The following CMC2 variants were observed in gnomAD, a reference collection of about 807,000 sequenced individuals.
CMC2 encodes COX assembly mitochondrial protein 2 homolog.
In CMC2, 5 loss-of-function variants were observed where a neutral mutation model predicts 7.5. That is an observed-to-expected ratio of 0.66 (90% confidence interval 0.35 to 1.40). CMC2 has a LOEUF of 1.40. Among genes scored for constraint, CMC2 ranks in the 40% most tolerant of loss-of-function variants. The probability of loss-of-function intolerance (pLI) is 0.04; values close to 1 mark genes in which losing one functional copy is unlikely to be tolerated. For missense variants in CMC2, 115 were observed against 92.3 expected (o/e 1.25, Z -1.01); for synonymous variants, 37 against 31.4 (o/e 1.18, Z -0.60).
At chr16:80,983,241 G>T (rs1248202796) in intron 2 of CMC2, 1 of 152,224 alleles carries the variant, frequency 6.6e-6, no homozygotes, top group East Asian at 1.9e-4. Context: ...AGTTTTTGGG[G>T]AGTCAAAAAG....
intron 3 of CMC2, among the ~76,000 whole-genome samples, chr16:80,979,686 T>C (rs1158687877): frequency 6.6e-6 from 1 of 152,182 alleles, no homozygotes; most frequent in Non-Finnish European, 1.5e-5. Flanking sequence ...AGTAATGTGA[T>C]CTGGGCTCAC....
Position 81,006,763 on chromosome 16 carries a change from A to T in CMC2, c.-65T>A. 1 of 985,690 alleles carries T rather than the reference A, an allele frequency of 1.0e-6. No individual in the cohort carries two copies. The highest frequency in any genetic ancestry group is 1.2e-6 in the Non-Finnish European group (1 of 830,158). The allele number at this position is 985,690 out of a possible 1,614,324, so 61.1% of individuals were successfully genotyped here. On this transcript the variant is annotated 5_prime_UTR_variant, in exon 1 of 4. Coordinates refer to ENST00000219400, the MANE Select transcript of CMC2 (RefSeq NM_020188.5). ...CTCGTGGCCACACCGGGAGAACTGA[A>T]GCGGCAGTAGCCGGCGGAGACGCCC...
chr16:81,003,335 TAAG>T (rs769417791), intron 1 of CMC2, among the ~76,000 whole-genome samples: 1 of 152,364 alleles, frequency 6.6e-6, no homozygotes, highest in African/African-American at 2.4e-5. Flanking sequence ...TTCAAAGTCA[TAAG>T]AAGATATCAA....
intron 2 of CMC2, chr16:80,996,775 T>C (rs1447188933): frequency 5.6e-6 from 1 of 177,910 alleles, no homozygotes; most frequent in Non-Finnish European, 1.2e-5. Flanking sequence ...GTCAGCTTGA[T>C]TTAATGTATT....
At chr16:80,995,579 C>T (rs1968347778) in intron 2 of CMC2, among the ~76,000 whole-genome samples, 1 of 152,124 alleles carries the variant, frequency 6.6e-6, no homozygotes, top group African/African-American at 2.4e-5. Flanking sequence ...AACACTTGAA[C>T]CTGGGAGGCG....
intron 2 of CMC2, chr16:80,991,893 G>A (rs1235968824): frequency 1.1e-5 from 5 of 452,950 alleles, no homozygotes; most frequent in African/African-American, 1.0e-4. Flanking sequence ...CAAAGAAAAT[G>A]TCACAGATAA....
chr16:80,985,575 T>C (rs938194059), intron 2 of CMC2, among the ~76,000 whole-genome samples: 1 of 152,102 alleles, frequency 6.6e-6, no homozygotes. Flanking sequence ...CCAATAAATA[T>C]TGTAGATATC....
chr16:80,997,132 AAAG>A (rs1968487648), intron 2 of CMC2, 179 bp downstream of exon 2: 7 of 600,100 alleles, frequency 1.2e-5, no homozygotes, highest in Non-Finnish European at 1.8e-5. Flanking sequence ...ACTAATCATA[AAAG>A]GAGGTAGTTT....
intron 3 of CMC2, among the ~76,000 whole-genome samples, chr16:80,978,647 C>T (rs866797056): frequency 6.6e-6 from 1 of 151,624 alleles, no homozygotes; most frequent in Non-Finnish European, 1.5e-5. Flanking sequence ...GATGGGAGAA[C>T]TCCTTGAGCC....
In CMC2 at chr16:81,004,005, T is replaced by C. The variant is rs1352651290; in HGVS notation, c.-36+2729A>G. On this transcript the variant is annotated intron_variant, in intron 1 of 3. Transcript: ENST00000219400. ...TGGCAGGCCGAGGTGGGCAGATCAC[T>C]TGAGGTCAGGAGTTCGAGACCAGCC... Among the ~76,000 whole-genome samples the C allele has an allele frequency of 2.0e-5, 3 of 152,310 alleles. No individual in the cohort carries two copies. The East Asian group carries it at 5.8e-4, about 29-fold the overall frequency.
chr16:80,993,769 A>G (rs763443318), intron 2 of CMC2, among the ~76,000 whole-genome samples: 1 of 152,236 alleles, frequency 6.6e-6, no homozygotes, highest in Non-Finnish European at 1.5e-5. Context: ...TACAAAAGAT[A>G]AAATCCAAGT....
chr16:80,980,757 T>C (rs1310928401), intron 3 of CMC2: 3 of 681,118 alleles, frequency 4.4e-6, no homozygotes. Flanking sequence ...TAACCAGGCA[T>C]GGTGGTACGC....
intron 3 of CMC2, among the ~76,000 whole-genome samples, chr16:80,978,943 T>C (rs1460886008): frequency 6.6e-6 from 1 of 151,962 alleles, no homozygotes; most frequent in East Asian, 1.9e-4. Flanking sequence ...TAGCTGGGCG[T>C]GGTGGTGGGC....
chr16:80,975,802 T>C lies in CMC2; in HGVS notation c.*291A>G, dbSNP rs538641532. 4.8e-6 allele frequency: 1 copy of C among 206,416 alleles called. No individual in the cohort carries two copies. The allele number at this position is 206,416 out of a possible 1,614,324, so 12.8% of individuals were successfully genotyped here. A position where few individuals can be genotyped will look rare whatever the true frequency, so the allele number is the denominator to read the frequency against. ...GAATCTAAGAGAAAGGAGAAAAAAATTATTTAAATTATTTTATTGAAGGAG... is the reference window on the plus strand; with the variant it reads ...GAATCTAAGAGAAAGGAGAAAAAAACTATTTAAATTATTTTATTGAAGGAG... On this transcript the variant is annotated 3_prime_UTR_variant, in exon 4 of 4. Coordinates refer to ENST00000219400, the MANE Select transcript of CMC2 (RefSeq NM_020188.5).
intron 3 of CMC2, chr16:80,980,871 A>G: frequency 1.4e-6 from 1 of 699,146 alleles, no homozygotes; most frequent in Non-Finnish European, 2.6e-6. Context: ...TAGGTGACAG[A>G]GCAAGAACCT....
chr16:81,004,151 G>T (rs1969063956), intron 1 of CMC2, among the ~76,000 whole-genome samples: 1 of 152,206 alleles, frequency 6.6e-6, no homozygotes, highest in Non-Finnish European at 1.5e-5. Context: ...CAGCCCTGGA[G>T]GCAGAGGTTG....
intron 1 of CMC2, 171 bp from the exon 2 acceptor site, chr16:80,997,600 A>T (rs1968528903): frequency 2.2e-6 from 1 of 463,332 alleles, no homozygotes; most frequent in Non-Finnish European, 3.9e-6. Context: ...TAATTCAATG[A>T]TTTAAGATAT....
At chr16:80,980,838 G>A (rs570487647) in intron 3 of CMC2, 7 of 700,166 alleles carry the variant, frequency 1.0e-5, no homozygotes, top group South Asian at 4.4e-5. Flanking sequence ...CGTGAGTTAC[G>A]ATCACCCTAC....
chr16:80,984,762 T>C (rs1813018764), intron 2 of CMC2, among the ~76,000 whole-genome samples: 1 of 152,256 alleles, frequency 6.6e-6, no homozygotes, highest in Admixed American at 6.5e-5. Flanking sequence ...TCATTCCACA[T>C]ATGTACATCT....
Sources: allele counts gnomAD v4.1 joint callset (sites outside exome capture counted in the v4.1 genomes callset), GRCh38; gene constraint gnomAD v4.1.1; transcripts MANE v1.5; gene names NCBI Gene and HGNC (gene_info 2026-07-23, HGNC 2026-07-21).